DPP4: variants seen among roughly 807,000 people sequenced by gnomAD.
DPP4 encodes ADCP-2.
In DPP4, 93 loss-of-function variants were observed where a neutral mutation model predicts 122.4. The ratio of observed to expected loss-of-function variants is 0.76; its 90% confidence interval spans 0.64 to 0.90. The LOEUF (loss-of-function observed/expected upper bound fraction) is 0.90. Among genes scored for constraint, DPP4 ranks in the 40% least tolerant of loss-of-function variants. DPP4 has a pLI of 0.00. For missense variants in DPP4, 914 were observed against 907.3 expected, an observed-to-expected ratio of 1.01 and a Z score of -0.09; for synonymous variants, 321 against 302.9, an observed-to-expected ratio of 1.06 and a Z score of -0.62.
At chr2:162,038,522 A>G (rs1683869621) in intron 7 of DPP4, 100 bp from the exon 8 acceptor site, 2 of 1,252,752 alleles carry the variant, frequency 1.6e-6, no homozygotes, top group Non-Finnish European at 2.2e-6. Context: ...AAGGATTACC[A>G]TAGTCAAATA....
rs777707151 is a variant in DPP4 at position 162,019,207 on chromosome 2, T to C, written c.1298+16A>G. 6.3e-7 allele frequency: 1 copy of C among 1,593,714 alleles called. No homozygotes were observed. The highest frequency in any genetic ancestry group is 1.1e-5 in the South Asian group (1 of 88,626). ...AGCTAAAATGACTCAAGTCAACAAC[T>C]TGACAGAGCTCTTACTTATAAAGAT... On this transcript the variant is annotated intron_variant, in intron 15 of 25. Coordinates refer to ENST00000360534, the MANE Select transcript of DPP4 (RefSeq NM_001935.4).
chr2:162,069,108 G>C (rs62189692), intron 2 of DPP4, among the ~76,000 whole-genome samples: 39,352 of 152,082 alleles, frequency 0.26, 5,680 homozygotes, highest in Non-Finnish European at 0.33. Context: ...TTTAAGTTCT[G>C]AGGTAATTCA....
chr2:162,012,077 A>T, intron 19 of DPP4, 90 bp from the exon 20 acceptor site: 1 of 1,290,882 alleles, frequency 7.7e-7, no homozygotes, highest in African/African-American at 1.5e-5. Context: ...AGAAGTATGC[A>T]TCCTTCCCAA....
At chr2:162,054,442 G>A (rs1559723859) in intron 2 of DPP4, among the ~76,000 whole-genome samples, 1 of 152,188 alleles carries the variant, frequency 6.6e-6, no homozygotes, top group Non-Finnish European at 1.5e-5. Context: ...AATGCATTTT[G>A]CGTACGAAAA....
intron 22 of DPP4, among the ~76,000 whole-genome samples, chr2:162,006,331 C>G (rs1701282190): frequency 6.6e-6 from 1 of 152,108 alleles, no homozygotes; most frequent in African/African-American, 2.4e-5. Context: ...TTTGGAGACC[C>G]CTAACAATGT....
At chr2:162,003,700 C>T (rs1302657653) in intron 23 of DPP4, among the ~76,000 whole-genome samples, 1 of 152,036 alleles carries the variant, frequency 6.6e-6, no homozygotes, top group East Asian at 1.9e-4. Context: ...GGGTCGTTAA[C>T]AAGAAAATTT....
chr2:162,003,236 T>C (rs925180821), intron 23 of DPP4, among the ~76,000 whole-genome samples: 12 of 152,072 alleles, frequency 7.9e-5, no homozygotes, highest in African/African-American at 2.9e-4. Flanking sequence ...TCTATTTACA[T>C]GACTATCTCA....
intron 2 of DPP4, among the ~76,000 whole-genome samples, chr2:162,057,681 A>G (rs970600620): frequency 6.6e-6 from 1 of 152,182 alleles, no homozygotes; most frequent in Admixed American, 6.5e-5. Context: ...TCCTTCCTGC[A>G]GTTACACTTT....
chr2:162,011,813 T>G lies in DPP4; in HGVS notation c.1812A>C (p.Glu604Asp). 6.2e-7 allele frequency: 1 copy of G among 1,613,560 alleles called. No homozygotes were observed. Among genetic ancestry groups the G allele is most frequent in the Non-Finnish European group, 8.5e-7 (1 of 1,179,630 alleles). ...INRRLGTFEV[E>D]DQIEAARQFS... ...CTCACCTGGCTGCTTCAATTTGATC[T>G]TCAACTTCAAATGTTCCCAGTCTTC... The change falls in exon 20 of 26, where the codon GAA (glutamate) becomes GAC (aspartate). Residue 604 changes from glutamate to aspartate, a missense_variant. By Grantham distance (45) the Glu-to-Asp change is conservative. Transcript: ENST00000360534.
intron 2 of DPP4, among the ~76,000 whole-genome samples, chr2:162,055,710 C>T (rs1004963284): frequency 1.3e-5 from 2 of 151,904 alleles, no homozygotes; most frequent in South Asian, 2.1e-4. Flanking sequence ...CATCCAGGGG[C>T]ATATGATAAA....
intron 2 of DPP4, among the ~76,000 whole-genome samples, chr2:162,068,009 C>A (rs1685005836): frequency 6.6e-6 from 1 of 152,214 alleles, no homozygotes. Context: ...TAATATATCT[C>A]TCTAAAATGA....
intron 23 of DPP4, among the ~76,000 whole-genome samples, chr2:162,001,710 C>G (rs2106076268): frequency 6.6e-6 from 1 of 152,292 alleles, no homozygotes; most frequent in Non-Finnish European, 1.5e-5. Context: ...GCTACAGCTG[C>G]TGTCTGCTGA....
At chr2:162,028,650 T>TA (rs1323190478) in intron 10 of DPP4, among the ~76,000 whole-genome samples, 4 of 152,198 alleles carry the variant, frequency 2.6e-5, no homozygotes, top group Non-Finnish European at 5.9e-5. Flanking sequence ...GCAGCTGGAT[T>TA]AGTCCAACGG....
intron 5 of DPP4, among the ~76,000 whole-genome samples, chr2:162,043,071 G>C (rs1295693723): frequency 1.3e-5 from 2 of 152,198 alleles, no homozygotes; most frequent in Non-Finnish European, 2.9e-5. Flanking sequence ...TTGAGAAAAA[G>C]AAAGAGCTGT....
chr2:162,046,212 T>C (rs1377154143), intron 4 of DPP4, among the ~76,000 whole-genome samples: 1 of 151,762 alleles, frequency 6.6e-6, no homozygotes, highest in African/African-American at 2.4e-5. Flanking sequence ...AGAATGCAGA[T>C]AGGGACACAA....
intron 2 of DPP4, among the ~76,000 whole-genome samples, chr2:162,065,647 T>G (rs1007385010): frequency 6.6e-6 from 1 of 152,200 alleles, no homozygotes; most frequent in African/African-American, 2.4e-5. Flanking sequence ...GGAGGTGCAC[T>G]GCATGCCTCA....
rs202048874 is a variant in DPP4 at position 162,035,211 on chromosome 2, C to T, written c.727G>A (p.Asp243Asn). The stretch of plus-strand genomic sequence containing the variant: ...GTCTTTGGGTACTGCAGTGACTCAT[C>T]AGAGTAGAAGGAGTATTCAATAAGT... Reference protein sequence around the residue: ...VPLIEYSFYSDESLQYPKTVR... With the variant: ...VPLIEYSFYSNESLQYPKTVR... Residue 243 changes from aspartate to asparagine, a missense_variant, in exon 9 of 26, where the codon GAT becomes AAT. Transcript: ENST00000360534. 48 of 1,613,852 alleles carry T rather than the reference C, an allele frequency of 3.0e-5. No individual in the cohort carries two copies. Among genetic ancestry groups the T allele is most frequent in the Non-Finnish European group, 4.0e-5 (47 of 1,179,956 alleles).
chr2:162,054,538 A>G lies in DPP4; in HGVS notation c.95-7037T>C, dbSNP rs191988452. ...GTCTTGAAACTAAATCTTTGTTGTG[A>G]TATTAAGAGGTGGAACCATTTGAAG... On this transcript the variant is annotated intron_variant, in intron 2 of 25. Transcript: ENST00000360534. Among the ~76,000 whole-genome samples the G allele has an allele frequency of 1.4e-4, 21 of 152,256 alleles. No individual in the cohort carries two copies. The East Asian group carries it at 3.9e-3, about 28-fold the overall frequency.
intron 2 of DPP4, among the ~76,000 whole-genome samples, chr2:162,063,686 T>C (rs1684858627): frequency 6.7e-6 from 1 of 149,450 alleles, no homozygotes; most frequent in South Asian, 2.2e-4. Context: ...TTTAGTGGTG[T>C]GGTGGGGATA....
Sources: allele counts gnomAD v4.1 joint callset (sites outside exome capture counted in the v4.1 genomes callset), GRCh38; gene constraint gnomAD v4.1.1; transcripts MANE v1.5; gene names NCBI Gene and HGNC (gene_info 2026-07-23, HGNC 2026-07-21).